DAGLA: variants seen among roughly 807,000 people sequenced by gnomAD.
The protein encoded by DAGLA is diacylglycerol lipase-alpha.
DAGLA carries 22 observed loss-of-function variants against 102.6 expected under a neutral mutation model. The ratio of observed to expected loss-of-function variants is 0.21; its 90% CI spans 0.15 to 0.31. DAGLA has a LOEUF of 0.31. DAGLA is among the 10% of genes least tolerant of loss of function. The pLI, the probability that DAGLA is intolerant of heterozygous loss-of-function variation, is 1.00. For synonymous variants in DAGLA, 578 were observed against 628.9 expected (o/e 0.92, Z 1.21); for missense variants, 927 against 1,446.6 (o/e 0.64, Z 5.83).
At chr11:61,719,566 C>T (rs1289012827) in intron 1 of DAGLA, among the ~76,000 whole-genome samples, 1 of 152,262 alleles carries the variant, frequency 6.6e-6, no homozygotes, top group Non-Finnish European at 1.5e-5. Context: ...ATGCCAGGCA[C>T]TCCTCACCTT....
At chr11:61,720,299 C>G in intron 2 of DAGLA, 49 bp downstream of exon 2, 1 of 1,559,426 alleles carries the variant, frequency 6.4e-7, no homozygotes, top group Non-Finnish European at 8.8e-7. Context: ...AGAGAAAGGT[C>G]TGGAAGGACG....
In DAGLA at chr11:61,743,847, G is replaced by A. The variant is rs747480552; in HGVS notation, c.2487G>A (p.Glu829=). Residue 829 remains glutamate, a synonymous_variant, in exon 20 of 20, where the codon GAG becomes GAA. Transcript: ENST00000257215. ...TCTACATTGACCCTGCCATCCCCGA[G>A]GAAAACCCATCCCTGAGCTCGCGCA... ...HLFYIDPAIP[E]ENPSLSSRTE... 6.8e-6 allele frequency: 11 copies of A among 1,612,544 alleles called. No individual in the cohort carries two copies. The highest frequency in any genetic ancestry group is 8.5e-6 in the Non-Finnish European group (10 of 1,179,930).
chr11:61,682,282 G>T (rs2064949363), intron 1 of DAGLA, among the ~76,000 whole-genome samples: 1 of 152,176 alleles, frequency 6.6e-6, no homozygotes, highest in South Asian at 2.1e-4. Context: ...CTGTACAAAG[G>T]TCAGAGAGTC....
chr11:61,706,352 G>A (rs1016922782), intron 1 of DAGLA, among the ~76,000 whole-genome samples: 4 of 152,228 alleles, frequency 2.6e-5, no homozygotes, highest in Non-Finnish European at 5.9e-5. Flanking sequence ...TCTCTTTCGG[G>A]TCTTGGGCTG....
chr11:61,706,565 G>A (rs542577890), intron 1 of DAGLA, among the ~76,000 whole-genome samples: 21 of 152,252 alleles, frequency 1.4e-4, no homozygotes, highest in African/African-American at 4.1e-4. Flanking sequence ...TAAAACAGGC[G>A]GGGGGTGCAC....
rs1385560735 is a variant in DAGLA at position 61,720,827 on chromosome 11, C to T, written c.244C>T (p.Arg82Cys). 2 of 1,613,582 alleles carry T rather than the reference C, an allele frequency of 1.2e-6. No individual in the cohort carries two copies. Among genetic ancestry groups the T allele is most frequent in the East Asian group, 2.2e-5 (1 of 44,878 alleles). The part of the protein sequence containing the change: ...AEMAIIWLSM[R>C]GGILYTEPRD... ...GATGGCCATCATCTGGCTGAGCATGCGCGGGGGCATCCTCTACACGGAGCC... is the reference window on the plus strand; with the variant it reads ...GATGGCCATCATCTGGCTGAGCATGTGCGGGGGCATCCTCTACACGGAGCC... Residue 82 changes from arginine to cysteine, a missense_variant, in exon 3 of 20, where the codon CGC becomes TGC. Physicochemically the swap from Arg to Cys is radical, Grantham distance 180 (BLOSUM62 -3). Around this residue, in one of 4 missense-constraint regions of DAGLA, gnomAD observed 231 missense variants for 439.8 expected, o/e 0.53. Transcript: ENST00000257215.
chr11:61,704,121 C>CT (rs59450113), intron 1 of DAGLA, among the ~76,000 whole-genome samples: 55,362 of 91,410 alleles, frequency 0.61, 11,175 homozygotes, highest in East Asian at 0.64. Context: ...CAGAGAATTT[C>CT]TTTTTTTTTT....
In DAGLA at chr11:61,728,942, C is replaced by T; in HGVS notation, c.783C>T (p.Asp261=). The change falls in exon 8 of 20, where the codon GAC becomes GAT. Residue 261 remains aspartate, a synonymous_variant. Coordinates refer to ENST00000257215, the MANE Select transcript of DAGLA (RefSeq NM_006133.3). ...TGCCGGTCTTACAGGCAAACAATGA[C>T]ATCTTGGCCTTCCTGTCTGGGATGC... is the stretch of plus-strand genomic sequence containing the variant. ...RNAVLDEANN[D]ILAFLSGMPV... 6.2e-7 allele frequency: 1 copy of T among 1,614,160 alleles called. No homozygotes were observed. The highest frequency in any genetic ancestry group is 1.1e-5 in the South Asian group (1 of 91,086).
chr11:61,703,039 G>A (rs2065120987), intron 1 of DAGLA, among the ~76,000 whole-genome samples: 1 of 152,212 alleles, frequency 6.6e-6, no homozygotes, highest in Non-Finnish European at 1.5e-5. Flanking sequence ...AAAGAGGCCA[G>A]GGCTGGGAGT....
Position 61,720,743 on chromosome 11 carries a change from A to C in DAGLA, c.160A>C (p.Asn54His), listed in dbSNP as rs768105248. The stretch of plus-strand genomic sequence containing the variant: ...TAACCCGCACGAGGCCTGCTCCCTG[A>C]ACCTGGTGGACCACGGCCGCGGCTA... ...VYNPHEACSL[N>H]LVDHGRGYLG... The change falls in exon 3 of 20, where the codon AAC (asparagine) becomes CAC (histidine). Residue 54 changes from asparagine (N) to histidine (H), a missense_variant. Transcript: ENST00000257215. 1 of 1,614,000 alleles carries C rather than the reference A, an allele frequency of 6.2e-7. No homozygotes were observed. Among genetic ancestry groups the C allele is most frequent in the South Asian group, 1.1e-5 (1 of 91,078 alleles).
rs1169133903 is a variant in DAGLA, at chr11:61,680,516, C to T, written c.-45+12C>T. The T allele has an allele frequency of 3.3e-5, 5 of 149,872 alleles. No individual in the cohort carries two copies. Among genetic ancestry groups the T allele is most frequent in the Middle Eastern group, 3.4e-3 (1 of 294 alleles). The allele number at this position is 149,872 out of a possible 1,614,324, so 9.3% of individuals were successfully genotyped here. A position where few individuals can be genotyped will look rare whatever the true frequency, so the allele number is the denominator to read the frequency against. Reference sequence around the variant, plus strand: ...GCGGCGGGCGGGAGGTAAGGGGGGCCTCCGGCGCGGCGGGCCGGTCCTGGG... The same window carrying T: ...GCGGCGGGCGGGAGGTAAGGGGGGCTTCCGGCGCGGCGGGCCGGTCCTGGG... On this transcript the variant is annotated intron_variant, in intron 1 of 19. Transcript: ENST00000257215.
chr11:61,740,947 G>C (rs2065473080), intron 18 of DAGLA, among the ~76,000 whole-genome samples: 1 of 152,194 alleles, frequency 6.6e-6, no homozygotes, highest in Non-Finnish European at 1.5e-5. Flanking sequence ...AGGCAGGTAG[G>C]GCAGGAGCAC....
In DAGLA at chr11:61,745,072, CAT is replaced by C. The variant is rs2065525640; in HGVS notation, c.*584_*585del. 1.3e-5 allele frequency: 2 copies of C among 154,924 alleles called. No individual in the cohort carries two copies. Among genetic ancestry groups the C allele is most frequent in the South Asian group, 2.0e-4 (1 of 4,908 alleles). The allele number at this position is 154,924 out of a possible 1,614,324, so 9.6% of individuals were successfully genotyped here. On this transcript the variant is annotated 3_prime_UTR_variant, in exon 20 of 20. Coordinates refer to ENST00000257215, the MANE Select transcript of DAGLA (RefSeq NM_006133.3). ...TGGGCTTGCAAGCCCCCCGCCCAAT[CAT>C]GTGTTCAGTAGCCGTCCTCTGAGCA...
intron 1 of DAGLA, among the ~76,000 whole-genome samples, chr11:61,701,168 C>T (rs917788841): frequency 6.6e-6 from 1 of 152,214 alleles, no homozygotes; most frequent in Non-Finnish European, 1.5e-5. Context: ...CTGCAGTAAA[C>T]AGAAGTGCTA....
intron 1 of DAGLA, among the ~76,000 whole-genome samples, 193 bp downstream of exon 1, chr11:61,680,697 A>T (rs1367367298): frequency 2.0e-5 from 3 of 151,762 alleles, no homozygotes; most frequent in South Asian, 2.1e-4. Flanking sequence ...GGATGGTGAC[A>T]CGCGTGGCAC....
intron 1 of DAGLA, among the ~76,000 whole-genome samples, chr11:61,706,388 G>T (rs1318539141): frequency 6.6e-6 from 1 of 152,188 alleles, no homozygotes; most frequent in Non-Finnish European, 1.5e-5. Context: ...CCAGGGACCT[G>T]GTGTCTGCAC....
intron 1 of DAGLA, among the ~76,000 whole-genome samples, chr11:61,703,906 C>G (rs1039290273): frequency 6.6e-6 from 1 of 152,190 alleles, no homozygotes; most frequent in Non-Finnish European, 1.5e-5. Flanking sequence ...CATTTTTATG[C>G]TTAAGTTTGA....
chr11:61,715,081 A>G (rs890418959), intron 1 of DAGLA, among the ~76,000 whole-genome samples: 2 of 152,192 alleles, frequency 1.3e-5, no homozygotes, highest in South Asian at 4.1e-4. Context: ...ACCTTGTCCA[A>G]GGTCACACAG....
intron 8 of DAGLA, among the ~76,000 whole-genome samples, chr11:61,730,090 C>G (rs980401601): frequency 6.6e-6 from 1 of 151,824 alleles, no homozygotes; most frequent in Non-Finnish European, 1.5e-5. Flanking sequence ...AACACTCAGT[C>G]CTCTAGAAAA....
Sources: allele counts gnomAD v4.1 joint callset (sites outside exome capture counted in the v4.1 genomes callset), GRCh38; gene constraint gnomAD v4.1.1; regional missense constraint gnomAD v4.1.1; transcripts MANE v1.5; gene names NCBI Gene and HGNC (gene_info 2026-07-23, HGNC 2026-07-21).